INSYN2B: variants seen among roughly 807,000 people sequenced by gnomAD.
INSYN2B encodes the protein inhibitory synaptic factor family member 2B.
Under a neutral mutation model 41.2 loss-of-function variants are expected in INSYN2B, and 16 were observed. That is an observed-to-expected ratio of 0.39 (90% CI 0.26 to 0.59). INSYN2B has a LOEUF of 0.59. INSYN2B is among the 20% of genes least tolerant of loss of function. The probability of loss-of-function intolerance (pLI) is 0.57; values close to 1 mark genes in which losing one functional copy is unlikely to be tolerated. For synonymous variants in INSYN2B, 245 were observed against 244.4 expected (o/e 1.00, Z -0.02); for missense variants, 608 against 646.4 (o/e 0.94, Z 0.64).
chr5:169,975,465 A>T (rs1176711885), intron 1 of INSYN2B, among the ~76,000 whole-genome samples: 1 of 151,964 alleles, frequency 6.6e-6, no homozygotes, highest in Non-Finnish European at 1.5e-5. Flanking sequence ...TGTCTCTCTG[A>T]CCTCATCATA....
At chr5:169,963,684 T>A (rs1022167225) in intron 1 of INSYN2B, among the ~76,000 whole-genome samples, 31 of 152,024 alleles carry the variant, frequency 2.0e-4, no homozygotes, top group African/African-American at 7.5e-4. Flanking sequence ...GGGAGTCTCT[T>A]TTCACCCTTT....
chr5:169,936,381 C>A (rs897913586), intron 1 of INSYN2B, among the ~76,000 whole-genome samples: 2 of 151,968 alleles, frequency 1.3e-5, no homozygotes, highest in African/African-American at 4.8e-5. Context: ...ACTTATCTGG[C>A]CATTTTAGGA....
At chr5:169,948,187 T>G (rs7719449) in intron 1 of INSYN2B, among the ~76,000 whole-genome samples, 37,446 of 152,034 alleles carry the variant, frequency 0.25, 4,891 homozygotes, top group Non-Finnish European at 0.28. Flanking sequence ...TGACAAATAG[T>G]TATTTGTCTG....
At chr5:169,890,967 G>T (rs1210459807) in intron 1 of INSYN2B, among the ~76,000 whole-genome samples, 2 of 152,046 alleles carry the variant, frequency 1.3e-5, no homozygotes, top group African/African-American at 2.4e-5. Flanking sequence ...CCCTGCAAAG[G>T]TGTCCCACTA....
chr5:169,928,567 G>A (rs1001135548), intron 1 of INSYN2B, among the ~76,000 whole-genome samples: 7 of 152,256 alleles, frequency 4.6e-5, no homozygotes, highest in Non-Finnish European at 1.0e-4. Flanking sequence ...ATGAAGCATC[G>A]TCCATCCAAA....
At chr5:169,904,091 CA>C (rs57983281) in intron 1 of INSYN2B, among the ~76,000 whole-genome samples, 171 of 70,360 alleles carry the variant, frequency 2.4e-3, no homozygotes, top group Admixed American at 3.7e-3. Flanking sequence ...GACTTCGTCT[CA>C]AAAAAAAAAA....
intron 1 of INSYN2B, among the ~76,000 whole-genome samples, chr5:169,887,399 C>A (rs1317824580): frequency 1.3e-5 from 2 of 152,022 alleles, no homozygotes; most frequent in Non-Finnish European, 2.9e-5. Flanking sequence ...TCTTACCACC[C>A]AGAAAGAGCC....
rs375854322 is a variant in INSYN2B, at chr5:169,900,183, C to T, written c.-918-15367G>A. Among the ~76,000 whole-genome samples the T allele has an allele frequency of 6.6e-5, 10 of 152,258 alleles. No homozygotes were observed. The South Asian group carries it at 1.0e-3, about 16-fold the overall frequency. ...GGAGATGGGCAGGTAATAGGCAGCA[C>T]GGTAAGACGCAAGCTTTAAGCAAGG... On this transcript the variant is annotated intron_variant, in intron 1 of 3. Transcript: ENST00000377365.
At position 169,931,134 on chromosome 5, in the gene INSYN2B, A is replaced by G. The variant is rs538323285; in HGVS notation, c.-918-46318T>C. 2.0e-5 allele frequency among the ~76,000 whole-genome samples: 3 copies of G among 152,312 alleles called. No individual in the cohort carries two copies. In the East Asian group the frequency reaches 5.8e-4, roughly 29 times the overall value. ...ACTAATGATGCTACTAACACCCTTG[A>G]TCTTAGGATTAAGCATTGTCTGGGA... On this transcript the variant is annotated intron_variant, in intron 1 of 3. Transcript: ENST00000377365.
intron 1 of INSYN2B, among the ~76,000 whole-genome samples, chr5:169,948,613 A>AT (rs772095719): frequency 0.014 from 1,896 of 135,916 alleles, 17 homozygotes; most frequent in African/African-American, 0.029. Flanking sequence ...TCCACAATTA[A>AT]TTTTTTTTTT....
rs1771351893 is a variant in INSYN2B, at chr5:169,863,724, C to G, written c.*549G>C. 6.6e-6 allele frequency among the ~76,000 whole-genome samples: 1 copy of G among 152,246 alleles called. No individual in the cohort carries two copies. Among genetic ancestry groups the G allele is most frequent in the Non-Finnish European group, 1.5e-5 (1 of 68,044 alleles). On this transcript the variant is annotated 3_prime_UTR_variant, in exon 4 of 4. Coordinates refer to ENST00000377365, the MANE Select transcript of INSYN2B (RefSeq NM_001129891.3). ...TTAAAAAGGAAAACAACCCAACACA[C>G]CAGGGTGATCTTGCATAAGCATTTT...
chr5:169,881,078 T>C (rs553686649), intron 3 of INSYN2B, among the ~76,000 whole-genome samples: 2 of 152,288 alleles, frequency 1.3e-5, no homozygotes, highest in South Asian at 4.1e-4. Context: ...ACCGAATGCC[T>C]TAACTTTCCT....
intron 1 of INSYN2B, among the ~76,000 whole-genome samples, chr5:169,947,966 A>C (rs1455540545): frequency 6.6e-6 from 1 of 152,178 alleles, no homozygotes; most frequent in Non-Finnish European, 1.5e-5. Context: ...GGGTCCTTGC[A>C]ATTGCCAGAA....
At chr5:169,904,651 G>A (rs968795771) in intron 1 of INSYN2B, among the ~76,000 whole-genome samples, 12 of 152,194 alleles carry the variant, frequency 7.9e-5, no homozygotes, top group Non-Finnish European at 1.5e-4. Context: ...GGGCCCCGCA[G>A]TCCTTTAAGA....
chr5:169,916,964 T>C (rs1260932397), intron 1 of INSYN2B, among the ~76,000 whole-genome samples: 1 of 152,168 alleles, frequency 6.6e-6, no homozygotes, highest in African/African-American at 2.4e-5. Flanking sequence ...GCCATCGTCA[T>C]TACTCTTCCA....
At chr5:169,874,499 G>A (rs1317719864) in intron 3 of INSYN2B, among the ~76,000 whole-genome samples, 1 of 151,834 alleles carries the variant, frequency 6.6e-6, no homozygotes, top group Non-Finnish European at 1.5e-5. Context: ...GATTCTGCGT[G>A]GCATTTAGCT....
chr5:169,948,295 T>TA (rs1776523957), intron 1 of INSYN2B, among the ~76,000 whole-genome samples: 1 of 135,624 alleles, frequency 7.4e-6, no homozygotes, highest in Non-Finnish European at 1.6e-5. Flanking sequence ...AGAACGTTTT[T>TA]TAAAAAAAGG....
Position 169,864,071 on chromosome 5 carries a change from A to T in INSYN2B, c.*202T>A, listed in dbSNP as rs780377065. Among the ~76,000 whole-genome samples the T allele has an allele frequency of 3.9e-5, 6 of 152,208 alleles. No homozygotes were observed. The highest frequency in any genetic ancestry group is 7.3e-5 in the Non-Finnish European group (5 of 68,034). On this transcript the variant is annotated 3_prime_UTR_variant, in exon 4 of 4. Coordinates refer to ENST00000377365, the MANE Select transcript of INSYN2B (RefSeq NM_001129891.3). ...TCTAGTGTCCGTGAAGCCCTCAGCA[A>T]GCAGTCGCACGCACTCAGGTAAGGA...
chr5:169,915,557 AACACACACACACAC>A (rs56728646), intron 1 of INSYN2B, among the ~76,000 whole-genome samples: 334 of 143,486 alleles, frequency 2.3e-3, no homozygotes, highest in South Asian at 7.9e-3. Flanking sequence ...ATTGACAGGG[AACACACACACACAC>A]ACACACACAC....
Sources: allele counts gnomAD v4.1 joint callset (sites outside exome capture counted in the v4.1 genomes callset), GRCh38; gene constraint gnomAD v4.1.1; transcripts MANE v1.5; gene names NCBI Gene and HGNC (gene_info 2026-07-23, HGNC 2026-07-21).